AHCTF1: variants seen among roughly 807,000 people sequenced by gnomAD.
The protein encoded by AHCTF1 is protein ELYS.
AHCTF1 carries 24 observed loss-of-function variants against 248.4 expected under a neutral mutation model. The ratio of observed to expected loss-of-function variants is 0.10; its 90% confidence interval spans 0.07 to 0.14. The LOEUF (loss-of-function observed/expected upper bound fraction) is 0.14. AHCTF1 is among the 10% of genes least tolerant of loss of function. AHCTF1 has a pLI of 1.00. For missense variants in AHCTF1, 2,206 were observed against 2,636.2 expected (o/e 0.84, Z 3.57); for synonymous variants, 786 against 929.8 (o/e 0.85, Z 2.81).
In AHCTF1 at chr1:246,925,019, G is replaced by T. The variant is rs1666833513; in HGVS notation, c.-8+6559C>A. ...TACCAAAAAAATTTTTAGAGAAACA[G>T]ATGGAAAAGGCCAGAATCACATTGT... On this transcript the variant is annotated intron_variant, in intron 1 of 35. Coordinates refer to ENST00000648844, the MANE Select transcript of AHCTF1 (RefSeq NM_001323342.2). Among the ~76,000 whole-genome samples the T allele has an allele frequency of 2.0e-5, 3 of 152,156 alleles. No individual in the cohort carries two copies. In the South Asian group the frequency reaches 6.2e-4, roughly 32 times the overall value.
intron 33 of AHCTF1, 87 bp from the exon 34 acceptor site, chr1:246,844,015 GT>G: frequency 1.0e-6 from 1 of 978,136 alleles, no homozygotes; most frequent in Non-Finnish European, 1.4e-6. Context: ...CAAATTATGT[GT>G]TTTAGAAAGA....
At chr1:246,930,026 T>C (rs1160244358) in intron 1 of AHCTF1, among the ~76,000 whole-genome samples, 1 of 148,300 alleles carries the variant, frequency 6.7e-6, no homozygotes, top group Non-Finnish European at 1.5e-5. Flanking sequence ...CACTCCAGCC[T>C]GGGCAACAGA....
chr1:246,868,953 T>G (rs1364036782), intron 24 of AHCTF1, among the ~76,000 whole-genome samples: 2 of 151,274 alleles, frequency 1.3e-5, no homozygotes, highest in Non-Finnish European at 2.9e-5. Flanking sequence ...CACGCCATTC[T>G]CCTGCCTCAG....
intron 31 of AHCTF1, among the ~76,000 whole-genome samples, chr1:246,855,507 CTT>C (rs1163233067): frequency 6.6e-6 from 1 of 152,134 alleles, no homozygotes; most frequent in African/African-American, 2.4e-5. Context: ...TAATCTAAGA[CTT>C]TGAATATTAG....
intron 1 of AHCTF1, among the ~76,000 whole-genome samples, chr1:246,918,869 T>C (rs561493192): frequency 6.6e-6 from 1 of 151,854 alleles, no homozygotes; most frequent in African/African-American, 2.4e-5. Context: ...ACCACCACCA[T>C]CCTCCCTACA....
Position 246,850,817 on chromosome 1 carries a change from T to C in AHCTF1, c.5189A>G (p.Gln1730Arg). ...ETSTMTMNVS[Q>R]VDDVVSSKTR... ...TTTGGAGGAAACCACGTCATCAACC[T>C]GGCTGACATTCATAGTCATTGTGCT... is the stretch of plus-strand genomic sequence containing the variant. The change falls in exon 33 of 36, where the codon CAG (glutamine) becomes CGG (arginine). Residue 1730 changes from glutamine to arginine, a missense_variant. Physicochemically the swap from Gln to Arg is conservative, Grantham distance 43. This residue lies in a region of AHCTF1 where 955 missense variants were observed against 1,055.6 expected (regional missense o/e 0.90). Transcript: ENST00000648844. 6.2e-7 allele frequency: 1 copy of C among 1,613,918 alleles called. No homozygotes were observed. Among genetic ancestry groups the C allele is most frequent in the Non-Finnish European group, 8.5e-7 (1 of 1,179,848 alleles).
Position 246,928,210 on chromosome 1 carries a change from G to A in AHCTF1, c.-8+3368C>T, listed in dbSNP as rs1246539703. Among the ~76,000 whole-genome samples, 3 of 151,270 alleles carry A rather than the reference G, an allele frequency of 2.0e-5. No homozygotes were observed. In the East Asian group the frequency reaches 5.9e-4, roughly 29 times the overall value. ...CCCAGCTACTGGGGAGGCTGAGGCA[G>A]GAGAATGGCATGAACCCGGGAGGCG... On this transcript the variant is annotated intron_variant, in intron 1 of 35. Coordinates refer to ENST00000648844, the MANE Select transcript of AHCTF1 (RefSeq NM_001323342.2).
intron 33 of AHCTF1, among the ~76,000 whole-genome samples, chr1:246,846,799 G>C (rs1168708787): frequency 6.6e-6 from 1 of 151,898 alleles, no homozygotes; most frequent in African/African-American, 2.4e-5. Flanking sequence ...CTGTCACCTG[G>C]GCTGGAGCAC....
intron 29 of AHCTF1, among the ~76,000 whole-genome samples, chr1:246,859,918 C>T (rs993511335): frequency 4.0e-5 from 6 of 151,894 alleles, no homozygotes; most frequent in Non-Finnish European, 8.8e-5. Context: ...GAATGAAATT[C>T]TTAATTTCTG....
chr1:246,884,369 C>T (rs918603594), intron 21 of AHCTF1, among the ~76,000 whole-genome samples: 3 of 152,026 alleles, frequency 2.0e-5, no homozygotes, highest in African/African-American at 7.3e-5. Context: ...CCCTCTTATC[C>T]GTAGAAGTAC....
At chr1:246,927,086 G>C (rs767601519) in intron 1 of AHCTF1, among the ~76,000 whole-genome samples, 1 of 151,712 alleles carries the variant, frequency 6.6e-6, no homozygotes, top group Non-Finnish European at 1.5e-5. Context: ...GCTGAGGAGG[G>C]AGAATGGCGT....
intron 1 of AHCTF1, among the ~76,000 whole-genome samples, chr1:246,924,565 C>T (rs1000136522): frequency 2.0e-5 from 3 of 152,016 alleles, no homozygotes; most frequent in African/African-American, 4.8e-5. Context: ...ATCAACCTAA[C>T]GTTCTTTCTT....
chr1:246,867,898 CCCCCA>C, intron 24 of AHCTF1, 87 bp from the exon 25 acceptor site: 4 of 566,704 alleles, frequency 7.1e-6, no homozygotes, highest in South Asian at 4.8e-5. Context: ...TACACCCCCC[CCCCCA>C]CACACACACA....
chr1:246,919,829 A>C (rs1014111691), intron 1 of AHCTF1, among the ~76,000 whole-genome samples: 2 of 152,050 alleles, frequency 1.3e-5, no homozygotes, highest in Admixed American at 6.6e-5. Context: ...AAGAATTCTC[A>C]AAGTTAAAGC....
At chr1:246,909,535 G>C in intron 4 of AHCTF1, among the ~76,000 whole-genome samples, 1 of 151,898 alleles carries the variant, frequency 6.6e-6, no homozygotes. Context: ...TAGCCATCTT[G>C]GTTCTCAGAT....
chr1:246,929,061 T>C (rs754662506), intron 1 of AHCTF1, among the ~76,000 whole-genome samples: 1 of 152,064 alleles, frequency 6.6e-6, no homozygotes, highest in African/African-American at 2.4e-5. Flanking sequence ...GCTACTACAA[T>C]AGAGGTACAT....
At chr1:246,846,844 C>T (rs1458023973) in intron 33 of AHCTF1, among the ~76,000 whole-genome samples, 2 of 151,894 alleles carry the variant, frequency 1.3e-5, no homozygotes, top group African/African-American at 2.4e-5. Context: ...CTCAACCTCC[C>T]GGGCTCAAGC....
At chr1:246,855,280 G>T (rs1661033972) in intron 31 of AHCTF1, among the ~76,000 whole-genome samples, 1 of 152,064 alleles carries the variant, frequency 6.6e-6, no homozygotes, top group Non-Finnish European at 1.5e-5. Context: ...TGTATAGCCA[G>T]GGCCTAACTG....
At chr1:246,876,661 C>A (rs1208944458) in intron 23 of AHCTF1, among the ~76,000 whole-genome samples, 1 of 152,152 alleles carries the variant, frequency 6.6e-6, no homozygotes, top group Non-Finnish European at 1.5e-5. Context: ...ACACAATGAT[C>A]TTTGTACTAT....
Sources: gnomAD v4.1 joint callset for allele counts (sites outside exome capture counted in the v4.1 genomes callset) on GRCh38, gnomAD v4.1.1 for gene constraint, gnomAD v4.1.1 regional missense constraint, MANE v1.5 for transcripts, NCBI Gene and HGNC (gene_info 2026-07-23, HGNC 2026-07-21) for gene names.